The following MS4A5 variants were observed in gnomAD, a reference collection of about 807,000 sequenced individuals.
MS4A5 encodes membrane-spanning 4-domains subfamily A member 5.
In MS4A5, 15 loss-of-function variants were observed where a neutral mutation model predicts 18.2. That is an observed-to-expected ratio of 0.83 (90% CI 0.55 to 1.27). MS4A5 has a LOEUF of 1.27. Ranked by LOEUF, MS4A5 falls within the 50% of genes most tolerant of loss-of-function variation. The probability of loss-of-function intolerance (pLI) is 0.00; values close to 1 mark genes in which losing one functional copy is unlikely to be tolerated. For synonymous variants in MS4A5, 89 were observed against 78.7 expected, an observed-to-expected ratio of 1.13 and a Z score of -0.69; for missense variants, 232 against 225.7, an observed-to-expected ratio of 1.03 and a Z score of -0.18.
chr11:60,443,434 A>G (rs1368398259), intron 4 of MS4A5, among the ~76,000 whole-genome samples: 1 of 152,120 alleles, frequency 6.6e-6, no homozygotes, highest in Non-Finnish European at 1.5e-5. Flanking sequence ...ACAAAATAAT[A>G]GAAATATTTA....
At chr11:60,430,773 A>G in intron 1 of MS4A5, 23 bp from the exon 2 acceptor site, 1 of 1,607,150 alleles carries the variant, frequency 6.2e-7, no homozygotes, top group Non-Finnish European at 8.5e-7. Flanking sequence ...TTTCCTCACC[A>G]TGACTTTTTC....
At chr11:60,436,120 G>A (rs1490359437) in intron 4 of MS4A5, among the ~76,000 whole-genome samples, 1 of 152,010 alleles carries the variant, frequency 6.6e-6, no homozygotes, top group Non-Finnish European at 1.5e-5. Context: ...CCTGACCCCT[G>A]ACCCCCGAGC....
intron 4 of MS4A5, among the ~76,000 whole-genome samples, chr11:60,436,858 A>G (rs1170884223): frequency 7.4e-6 from 1 of 135,004 alleles, no homozygotes; most frequent in African/African-American, 2.6e-5. Flanking sequence ...GCAGGATATT[A>G]TCCAGGAGAA....
intron 4 of MS4A5, among the ~76,000 whole-genome samples, chr11:60,445,789 G>A (rs555331308): frequency 3.9e-5 from 6 of 152,122 alleles, no homozygotes; most frequent in South Asian, 2.1e-4. Flanking sequence ...TAATAGTCAG[G>A]GAAATGTCAA....
rs921044389 is a variant in MS4A5, at chr11:60,432,392, T to C, written c.283-19T>C. The C allele has an allele frequency of 1.3e-6, 2 of 1,522,960 alleles. No individual in the cohort carries two copies. The highest frequency in any genetic ancestry group is 1.2e-5 in the South Asian group (1 of 86,070). The allele number at this position is 1,522,960 out of a possible 1,614,324, so 94.3% of individuals were successfully genotyped here. ...CAGCTAAACATGGTCATCATTAACA[T>C]ATTTATTCCTCTTAACAGTTCATTA... On this transcript the variant is annotated intron_variant, in intron 2 of 4. Transcript: ENST00000300190.
chr11:60,429,687 AC>A lies in MS4A5; in HGVS notation c.15del (p.Ala6HisfsTer42), dbSNP rs1169701854. On this transcript the variant is annotated frameshift_variant, in exon 1 of 5. Transcript: ENST00000300190. LOFTEE classifies it high-confidence loss of function. Reference sequence around the variant, plus strand: ...CACCGACACCATCATGGATTCAAGCACCGCACACAGTCCGGTGTTTCTGGTA... The same window carrying A: ...CACCGACACCATCATGGATTCAAGCACGCACACAGTCCGGTGTTTCTGGTA... MDSS[T>X]AHSPVFLVFP... 1.9e-6 allele frequency: 3 copies of A among 1,612,596 alleles called. No individual in the cohort carries two copies. The highest frequency in any genetic ancestry group is 3.4e-5 in the Admixed American group (2 of 59,612).
chr11:60,433,053 A>G (rs1321341268), intron 3 of MS4A5, among the ~76,000 whole-genome samples: 2 of 152,196 alleles, frequency 1.3e-5, no homozygotes, highest in Non-Finnish European at 2.9e-5. Flanking sequence ...ATCGTTAAAT[A>G]GCTTGTCCAA....
intron 3 of MS4A5, among the ~76,000 whole-genome samples, chr11:60,432,714 G>A (rs1415541113): frequency 6.6e-6 from 1 of 151,348 alleles, no homozygotes; most frequent in Non-Finnish European, 1.5e-5. Flanking sequence ...GTACCTGGGA[G>A]GTGGAGGTTG....
At position 60,429,750 on chromosome 11, in the gene MS4A5, A is replaced by G; in HGVS notation, c.76A>G (p.Thr26Ala). Residue 26 changes from threonine to alanine, a missense_variant, in exon 1 of 5, where the codon ACA becomes GCA. By Grantham distance (58) the Thr-to-Ala change is moderately conservative (BLOSUM62 0). Coordinates refer to ENST00000300190, the MANE Select transcript of MS4A5 (RefSeq NM_023945.3). ...PEITASEYES[T>A]ELSATTFSTQ... Reference sequence around the variant, plus strand: ...AATCACTGCTTCAGAATATGAGTCCACAGAACTTTCAGCCACGACCTTTTC... The same window carrying G: ...AATCACTGCTTCAGAATATGAGTCCGCAGAACTTTCAGCCACGACCTTTTC... 1 of 1,614,156 alleles carries G rather than the reference A, an allele frequency of 6.2e-7. No homozygotes were observed. The highest frequency in any genetic ancestry group is 1.1e-5 in the South Asian group (1 of 91,078).
chr11:60,436,094 C>A (rs2086078749), intron 4 of MS4A5, among the ~76,000 whole-genome samples: 1 of 152,098 alleles, frequency 6.6e-6, no homozygotes, highest in Non-Finnish European at 1.5e-5. Flanking sequence ...GGGCAGACTG[C>A]CTCCTCAAGT....
Position 60,447,688 on chromosome 11 carries a change from T to C in MS4A5, c.532T>C (p.Leu178=), listed in dbSNP as rs74594524. The change falls in exon 5 of 5, where the codon TTA becomes CTA. Residue 178 remains leucine, a synonymous_variant. Coordinates refer to ENST00000300190, the MANE Select transcript of MS4A5 (RefSeq NM_023945.3). The stretch of plus-strand genomic sequence containing the variant: ...ATTGATGACTTTCAGCATTATTGAA[T>C]TATTCATTTCTCTGCCTTTCTCAAT... ...ITLMTFSIIE[L]FISLPFSILG... 4,150 of 1,593,286 alleles carry C rather than the reference T, an allele frequency of 2.6e-3. 98 individuals are homozygous for C. In the African/African-American group the frequency reaches 0.05, roughly 19 times the overall value.
intron 4 of MS4A5, among the ~76,000 whole-genome samples, chr11:60,445,922 C>T (rs1031394854): frequency 1.3e-5 from 2 of 152,176 alleles, no homozygotes; most frequent in African/African-American, 4.8e-5. Flanking sequence ...TAGAAGTGTG[C>T]AATGTCACTG....
intron 3 of MS4A5, among the ~76,000 whole-genome samples, chr11:60,432,782 C>CA (rs1457697578): frequency 8.0e-6 from 1 of 125,114 alleles, no homozygotes. Context: ...AAAAAAAAAA[C>CA]AAAAAAAAGT....
intron 4 of MS4A5, among the ~76,000 whole-genome samples, chr11:60,440,592 C>T (rs1157600214): frequency 6.7e-6 from 1 of 148,946 alleles, no homozygotes; most frequent in African/African-American, 2.5e-5. Context: ...AAAAAACAAA[C>T]AACCCCATCA....
chr11:60,436,124 C>G (rs1309081156), intron 4 of MS4A5, among the ~76,000 whole-genome samples: 1 of 152,082 alleles, frequency 6.6e-6, no homozygotes, highest in East Asian at 1.9e-4. Flanking sequence ...ACCCCTGACC[C>G]CCGAGCAGCC....
intron 3 of MS4A5, among the ~76,000 whole-genome samples, chr11:60,432,964 C>A (rs930870670): frequency 6.6e-6 from 1 of 152,080 alleles, no homozygotes; most frequent in East Asian, 1.9e-4. Context: ...GAATTATAAC[C>A]CATTATGCTA....
chr11:60,430,447 C>G (rs552335579), intron 1 of MS4A5, among the ~76,000 whole-genome samples: 107 of 152,290 alleles, frequency 7.0e-4, no homozygotes, highest in Admixed American at 1.7e-3. Context: ...GGCTAAAGAA[C>G]TGAAGAACTT....
At chr11:60,443,721 G>T (rs781197607) in intron 4 of MS4A5, among the ~76,000 whole-genome samples, 1 of 151,604 alleles carries the variant, frequency 6.6e-6, no homozygotes, top group African/African-American at 2.4e-5. Context: ...TAATAAAATT[G>T]GTAAACCCCT....
In MS4A5 at chr11:60,433,759, T is replaced by C. The variant is rs3763845; in HGVS notation, c.340-6T>C. 0.28 allele frequency: 456,098 copies of C among 1,610,468 alleles called. 68,269 individuals carry two copies. Among genetic ancestry groups the C allele is most frequent in the Admixed American group, 0.35 (21,284 of 59,996 alleles). On this transcript the variant is annotated splice_region_variant and splice_polypyrimidine_tract_variant and intron_variant, in intron 3 of 4. Transcript: ENST00000300190. ...GTCACATTGTTATGTTCTTATTCTA[T>C]TTCAGATAATATTGAGCCGAATAAT...
Sources: gnomAD v4.1 joint callset for allele counts (sites outside exome capture counted in the v4.1 genomes callset) on GRCh38, gnomAD v4.1.1 for gene constraint, MANE v1.5 for transcripts, NCBI Gene and HGNC (gene_info 2026-07-23, HGNC 2026-07-21) for gene names.